Variants in RUNX1T1 observed in about 807,000 individuals in gnomAD.
The protein encoded by RUNX1T1 is protein CBFA2T1.
RUNX1T1 carries 4 observed loss-of-function variants against 62.8 expected under a neutral mutation model. The ratio of observed to expected loss-of-function variants is 0.06; its 90% CI spans 0.03 to 0.15. The LOEUF (loss-of-function observed/expected upper bound fraction) is 0.15, where lower values mean the gene tolerates loss of function less well. Among genes scored for constraint, RUNX1T1 ranks in the 10% least tolerant of loss-of-function variants. The probability of loss-of-function intolerance (pLI) is 1.00; values close to 1 mark genes in which losing one functional copy is unlikely to be tolerated. For synonymous variants in RUNX1T1, 291 were observed against 286.0 expected (o/e 1.02, Z -0.18); for missense variants, 508 against 754.3 (o/e 0.67, Z 3.82).
chr8:92,055,069 TAGTA>T (rs1830826776), intron 1 of RUNX1T1, among the ~76,000 whole-genome samples: 1 of 152,142 alleles, frequency 6.6e-6, no homozygotes, highest in Non-Finnish European at 1.5e-5. Flanking sequence ...AGCTTGTGAT[TAGTA>T]AGTACAACAA....
chr8:92,100,468 A>T (rs913679524), upstream of RUNX1T1, among the ~76,000 whole-genome samples: 6 of 152,234 alleles, frequency 3.9e-5, no homozygotes, highest in Non-Finnish European at 8.8e-5. Context: ...GTATTAAAAA[A>T]GTCCGTTTTT....
At chr8:92,004,809 T>C (rs76655055) in intron 5 of RUNX1T1, 3,187 of 243,412 alleles carry the variant, frequency 0.013, 86 homozygotes, top group African/African-American at 0.065. Flanking sequence ...AATTTTAATA[T>C]TGATGTGCAT....
intron 2 of RUNX1T1, among the ~76,000 whole-genome samples, chr8:92,068,527 G>T (rs1277978236): frequency 6.6e-6 from 1 of 151,994 alleles, no homozygotes; most frequent in Non-Finnish European, 1.5e-5. Context: ...AGCTCTGTGG[G>T]GCTATTCATG....
chr8:92,048,620 G>A (rs1829775911), intron 1 of RUNX1T1, among the ~76,000 whole-genome samples: 1 of 152,006 alleles, frequency 6.6e-6, no homozygotes, highest in African/African-American at 2.4e-5. Flanking sequence ...AAGACAGACA[G>A]AACCATATAT....
At chr8:92,043,190 T>A (rs903033473) in intron 1 of RUNX1T1, among the ~76,000 whole-genome samples, 1 of 152,222 alleles carries the variant, frequency 6.6e-6, no homozygotes, top group Non-Finnish European at 1.5e-5. Flanking sequence ...TATAGCATTC[T>A]GCCCCCTCCA....
intron 5 of RUNX1T1, among the ~76,000 whole-genome samples, chr8:91,994,252 C>G (rs114471290): frequency 0.012 from 1,856 of 152,256 alleles, 29 homozygotes; most frequent in African/African-American, 0.043. Flanking sequence ...TCCAATGTAG[C>G]TCAGACATTA....
chr8:92,054,353 T>C (rs1281319821), intron 1 of RUNX1T1, among the ~76,000 whole-genome samples: 1 of 152,094 alleles, frequency 6.6e-6, no homozygotes. Flanking sequence ...ACCTAGACAA[T>C]GTGCATCAAG....
At chr8:92,088,471 T>C (rs886227821) in intron 1 of RUNX1T1, among the ~76,000 whole-genome samples, 1 of 152,208 alleles carries the variant, frequency 6.6e-6, no homozygotes, top group African/African-American at 2.4e-5. Flanking sequence ...TTATAACCAG[T>C]GGGGATAACT....
chr8:91,980,632 C>T (rs1586797083), intron 8 of RUNX1T1, among the ~76,000 whole-genome samples: 1 of 152,196 alleles, frequency 6.6e-6, no homozygotes. Context: ...TTTCATTTAC[C>T]ACTATTCTTT....
At chr8:91,967,450 C>T (rs1467755861) in intron 10 of RUNX1T1, among the ~76,000 whole-genome samples, 1 of 151,808 alleles carries the variant, frequency 6.6e-6, no homozygotes, top group Non-Finnish European at 1.5e-5. Context: ...CTGCTGGTCT[C>T]CCCAGTCAAA....
Position 91,976,285 on chromosome 8 carries a change from T to C in RUNX1T1, c.1199-312A>G, listed in dbSNP as rs2293905. Among the ~76,000 whole-genome samples, 71 of 152,344 alleles carry C rather than the reference T, an allele frequency of 4.7e-4. No homozygotes were observed. The East Asian group carries it at 6.9e-3, about 15-fold the overall frequency. On this transcript the variant is annotated intron_variant, in intron 8 of 10. Coordinates refer to ENST00000396218, the Ensembl canonical transcript of RUNX1T1. The stretch of plus-strand genomic sequence containing the variant: ...CACTTTCTGACTATGGAGACTTCTA[T>C]AGATATATTTTGTTAAGGAATATAA...
chr8:91,993,200 G>A (rs932078071), intron 5 of RUNX1T1, among the ~76,000 whole-genome samples: 1 of 152,086 alleles, frequency 6.6e-6, no homozygotes. Context: ...ATCTAGTGAT[G>A]GCATCCAGTC....
intron 8 of RUNX1T1, among the ~76,000 whole-genome samples, chr8:91,980,243 G>T (rs1323454658): frequency 6.6e-6 from 1 of 152,132 alleles, no homozygotes; most frequent in African/African-American, 2.4e-5. Context: ...AAGTACAGTA[G>T]GCATTTGCAT....
chr8:91,955,404 GTAAC>G, downstream of RUNX1T1: 1 of 227,800 alleles, frequency 4.4e-6, no homozygotes, highest in Non-Finnish European at 8.7e-6. Context: ...GAAAAAAAGA[GTAAC>G]TATGAAATTA....
At chr8:92,003,895 C>T (rs1310745500) in intron 5 of RUNX1T1, among the ~76,000 whole-genome samples, 1 of 152,116 alleles carries the variant, frequency 6.6e-6, no homozygotes, top group African/African-American at 2.4e-5. Flanking sequence ...GGTAGGCCTA[C>T]AATACGTCAA....
At chr8:92,089,787 C>T (rs1003768745) in intron 1 of RUNX1T1, among the ~76,000 whole-genome samples, 3 of 151,898 alleles carry the variant, frequency 2.0e-5, no homozygotes, top group Non-Finnish European at 4.4e-5. Flanking sequence ...TTTAGGATAG[C>T]TATGGAAAGA....
chr8:91,988,175 T>C (rs1051290246), intron 6 of RUNX1T1, among the ~76,000 whole-genome samples: 1 of 152,162 alleles, frequency 6.6e-6, no homozygotes, highest in Non-Finnish European at 1.5e-5. Flanking sequence ...ATGAGTCACA[T>C]GACTGTTCAG....
In RUNX1T1 at chr8:92,052,375, T is replaced by G. The variant is rs113484040; in HGVS notation, c.7+10171A>C. On this transcript the variant is annotated intron_variant, in intron 1 of 10. Coordinates refer to ENST00000396218, the Ensembl canonical transcript of RUNX1T1. ...CCTTGATTCTCAGTCAACTTAGCTGTGTGGGCATCTGAATACACTGTCAGA... is the reference window on the plus strand; with the variant it reads ...CCTTGATTCTCAGTCAACTTAGCTGGGTGGGCATCTGAATACACTGTCAGA... 5.9e-3 allele frequency among the ~76,000 whole-genome samples: 898 copies of G among 152,300 alleles called. 5 individuals are homozygous for G. Among genetic ancestry groups the G allele is most frequent in the South Asian group, 9.9e-3 (48 of 4,828 alleles).
At chr8:92,002,397 T>C (rs764975209) in intron 5 of RUNX1T1, among the ~76,000 whole-genome samples, 2 of 151,838 alleles carry the variant, frequency 1.3e-5, no homozygotes, top group African/African-American at 4.8e-5. Context: ...TCTCTGTAAA[T>C]AACAATAATG....
Sources: gnomAD v4.1 joint callset for allele counts (sites outside exome capture counted in the v4.1 genomes callset) on GRCh38, gnomAD v4.1.1 for gene constraint, MANE v1.5 for transcripts, NCBI Gene and HGNC (gene_info 2026-07-23, HGNC 2026-07-21) for gene names.